Variants in PDE4D observed in about 807,000 individuals in gnomAD.
PDE4D encodes 3',5'-cyclic-AMP phosphodiesterase 4D.
Under a neutral mutation model 87.4 loss-of-function variants are expected in PDE4D, and 24 were observed. That is an observed-to-expected ratio of 0.27 (90% CI 0.20 to 0.39). The LOEUF is 0.39. Ranked by LOEUF, PDE4D falls within the 10% of genes least tolerant of loss-of-function variation. The probability of loss-of-function intolerance (pLI) is 1.00; values close to 1 mark genes in which losing one functional copy is unlikely to be tolerated. For synonymous variants in PDE4D, 384 were observed against 383.2 expected, an observed-to-expected ratio of 1.00 and a Z score of -0.02; for missense variants, 714 against 1,041.0, an observed-to-expected ratio of 0.69 and a Z score of 4.32.
chr5:59,063,943 G>A (rs1038727960), intron 5 of PDE4D, among the ~76,000 whole-genome samples: 4 of 152,064 alleles, frequency 2.6e-5, no homozygotes, highest in Non-Finnish European at 5.9e-5. Context: ...TATACAGAGA[G>A]CAGTGAGGGG....
At chr5:59,573,687 C>G (rs985501508) in intron 1 of PDE4D, among the ~76,000 whole-genome samples, 1 of 151,824 alleles carries the variant, frequency 6.6e-6, no homozygotes, top group Non-Finnish European at 1.5e-5. Flanking sequence ...TCTTCCTATC[C>G]CAAGGGCACG....
At chr5:60,159,371 A>G (rs1201103255) in intron 2 of PDE4D, among the ~76,000 whole-genome samples, 2 of 152,128 alleles carry the variant, frequency 1.3e-5, no homozygotes, top group Admixed American at 6.5e-5. Context: ...ATAGTATAGT[A>G]AATACATAAA....
intron 3 of PDE4D, among the ~76,000 whole-genome samples, chr5:59,929,507 T>G (rs998193573): frequency 1.3e-5 from 2 of 152,142 alleles, no homozygotes; most frequent in African/African-American, 2.4e-5. Context: ...AGTCTTTTTT[T>G]TTTTAATTCA....
At chr5:59,819,675 G>A (rs773871951) in intron 1 of PDE4D, among the ~76,000 whole-genome samples, 8 of 152,142 alleles carry the variant, frequency 5.3e-5, no homozygotes, top group Non-Finnish European at 7.4e-5. Flanking sequence ...TGATTACACC[G>A]TGAGTCAAAT....
chr5:59,301,992 G>A (rs1362013127), intron 1 of PDE4D, among the ~76,000 whole-genome samples: 1 of 152,202 alleles, frequency 6.6e-6, no homozygotes, highest in Non-Finnish European at 1.5e-5. Context: ...AAATGGCGGA[G>A]TTTGGCCTTC....
chr5:59,386,717 AAGAAAG>A (rs1449223070), intron 1 of PDE4D, among the ~76,000 whole-genome samples: 4 of 128,072 alleles, frequency 3.1e-5, no homozygotes, highest in African/African-American at 1.1e-4. Flanking sequence ...GAGGGAGGGA[AAGAAAG>A]AGAAAGAGAA....
intron 2 of PDE4D, among the ~76,000 whole-genome samples, chr5:60,071,809 C>G (rs1016533824): frequency 6.6e-6 from 1 of 152,098 alleles, no homozygotes; most frequent in Non-Finnish European, 1.5e-5. Flanking sequence ...CTAAAGATAA[C>G]AGCCTCCAGC....
chr5:59,313,821 C>T (rs924335737), intron 1 of PDE4D, among the ~76,000 whole-genome samples: 1 of 152,088 alleles, frequency 6.6e-6, no homozygotes, highest in African/African-American at 2.4e-5. Context: ...CTCAACTAAT[C>T]CCCTCATGGA....
At chr5:60,078,417 AT>A (rs1773557416) in intron 2 of PDE4D, among the ~76,000 whole-genome samples, 1 of 149,444 alleles carries the variant, frequency 6.7e-6, no homozygotes, top group East Asian at 2.0e-4. Flanking sequence ...TTTTTTCTTT[AT>A]TTTTATTTCT....
intron 1 of PDE4D, among the ~76,000 whole-genome samples, chr5:60,409,504 G>A (rs1286652537): frequency 6.6e-6 from 1 of 152,076 alleles, no homozygotes; most frequent in Non-Finnish European, 1.5e-5. Flanking sequence ...AATCTATATA[G>A]CAATTATCCT....
At chr5:59,589,167 C>A (rs1460978787) in intron 1 of PDE4D, among the ~76,000 whole-genome samples, 1 of 152,160 alleles carries the variant, frequency 6.6e-6, no homozygotes, top group Non-Finnish European at 1.5e-5. Context: ...TAGTGAGTCA[C>A]TATCTGAATC....
intron 1 of PDE4D, among the ~76,000 whole-genome samples, chr5:59,240,362 TG>T (rs2153522059): frequency 6.6e-6 from 1 of 152,308 alleles, no homozygotes; most frequent in South Asian, 2.1e-4. Flanking sequence ...AATTGATGTT[TG>T]GGGTAATATG....
At chr5:59,938,821 A>T (rs994892803) in intron 3 of PDE4D, among the ~76,000 whole-genome samples, 2 of 152,170 alleles carry the variant, frequency 1.3e-5, no homozygotes, top group Admixed American at 6.5e-5. Flanking sequence ...TTCAGATTCA[A>T]TTTTAACTTT....
chr5:59,679,571 A>G (rs767203745), intron 1 of PDE4D, among the ~76,000 whole-genome samples: 1 of 152,186 alleles, frequency 6.6e-6, no homozygotes, highest in Non-Finnish European at 1.5e-5. Context: ...AATGACAGTT[A>G]TCTTCTGTAA....
chr5:59,828,084 A>G (rs902278408), intron 1 of PDE4D, among the ~76,000 whole-genome samples: 5 of 152,054 alleles, frequency 3.3e-5, no homozygotes, highest in African/African-American at 1.2e-4. Context: ...TGGAAAAAAG[A>G]AAAAAGATGG....
chr5:59,724,629 T>C (rs1011820286), intron 1 of PDE4D, among the ~76,000 whole-genome samples: 2 of 152,126 alleles, frequency 1.3e-5, no homozygotes, highest in Non-Finnish European at 2.9e-5. Context: ...AATGCTTTTA[T>C]TGGCTTGTCC....
chr5:59,153,928 G>C (rs892016594), intron 5 of PDE4D, among the ~76,000 whole-genome samples: 1 of 152,110 alleles, frequency 6.6e-6, no homozygotes, highest in East Asian at 1.9e-4. Flanking sequence ...AGTGAACCAG[G>C]CAATTATGAG....
chr5:59,068,654 A>G (rs1380195009), intron 5 of PDE4D, among the ~76,000 whole-genome samples: 1 of 152,232 alleles, frequency 6.6e-6, no homozygotes, highest in Admixed American at 6.5e-5. Flanking sequence ...CCACTGAGGA[A>G]GATCAACATG....
chr5:59,876,756 T>C (rs1748660742), intron 1 of PDE4D, among the ~76,000 whole-genome samples: 1 of 152,218 alleles, frequency 6.6e-6, no homozygotes, highest in South Asian at 2.1e-4. Context: ...CAATGCACTA[T>C]GAAAAAGTCT....
Sources: allele counts gnomAD v4.1 joint callset (sites outside exome capture counted in the v4.1 genomes callset), GRCh38; gene constraint gnomAD v4.1.1; transcripts MANE v1.5; gene names NCBI Gene and HGNC (gene_info 2026-07-23, HGNC 2026-07-21).